Variants in SAMMSON observed in about 807,000 individuals in gnomAD.
SAMMSON encodes the protein long intergenic non-protein coding RNA 1212.
intron 1 of SAMMSON, among the ~76,000 whole-genome samples, chr3:70,008,178 C>A (rs12639190): frequency 2.0e-5 from 3 of 151,900 alleles, no homozygotes; most frequent in Non-Finnish European, 4.4e-5. Flanking sequence ...TCCAATTCTG[C>A]GAAGAAAGTC....
At chr3:70,371,313 A>T (rs181472361) in intron 9 of SAMMSON, among the ~76,000 whole-genome samples, 1 of 152,028 alleles carries the variant, frequency 6.6e-6, no homozygotes, top group African/African-American at 2.4e-5. Flanking sequence ...TTTTGGTTCC[A>T]TATGAATTTT....
At chr3:70,348,373 C>G (rs2106733255) in intron 7 of SAMMSON, among the ~76,000 whole-genome samples, 2 of 152,238 alleles carry the variant, frequency 1.3e-5, no homozygotes, top group Middle Eastern at 3.4e-3. Flanking sequence ...TTCACAGTTG[C>G]AGAGGCTGGA....
At chr3:70,090,823 G>T (rs562699569) in intron 4 of SAMMSON, among the ~76,000 whole-genome samples, 2 of 150,112 alleles carry the variant, frequency 1.3e-5, no homozygotes, top group African/African-American at 4.9e-5. Flanking sequence ...CTTAGTAATT[G>T]TCAAACATTA....
At chr3:70,067,598 T>G (rs189261777) in intron 3 of SAMMSON, among the ~76,000 whole-genome samples, 72 of 152,204 alleles carry the variant, frequency 4.7e-4, no homozygotes, top group African/African-American at 1.5e-3. Context: ...AGATAAACTT[T>G]CAGGGAAATG....
intron 4 of SAMMSON, among the ~76,000 whole-genome samples, chr3:70,207,424 T>C (rs544064282): frequency 6.6e-6 from 1 of 152,192 alleles, no homozygotes; most frequent in East Asian, 1.9e-4. Flanking sequence ...TCCACATAAC[T>C]GTCTGGCACA....
intron 3 of SAMMSON, among the ~76,000 whole-genome samples, chr3:70,021,088 A>G (rs549010151): frequency 1.3e-5 from 2 of 152,144 alleles, no homozygotes; most frequent in Non-Finnish European, 2.9e-5. Flanking sequence ...ACTTTAGAGC[A>G]TTTCCTCTTT....
In SAMMSON at chr3:70,125,461, C is replaced by T. The variant is rs77963600; in HGVS notation, n.507+53896C>T. 117 of 808,720 alleles carry T rather than the reference C, an allele frequency of 1.4e-4. 3 individuals are homozygous for T. In the East Asian group the frequency reaches 2.1e-3, roughly 15 times the overall value. The allele number at this position is 808,720 out of a possible 1,614,324, so 50.1% of individuals were successfully genotyped here. A position where few individuals can be genotyped will look rare whatever the true frequency, so the allele number is the denominator to read the frequency against. On this transcript the variant is annotated intron_variant and non_coding_transcript_variant, in intron 4 of 9. Transcript: ENST00000642114. The stretch of plus-strand genomic sequence containing the variant: ...CCAATTCCCTTCTAGAAATACATTC[C>T]GATGGCATTTCATCAGAGTCTTTTT...
At chr3:70,133,766 G>A (rs192337397) in intron 4 of SAMMSON, among the ~76,000 whole-genome samples, 1 of 152,268 alleles carries the variant, frequency 6.6e-6, no homozygotes, top group African/African-American at 2.4e-5. Context: ...TACTGAGGGA[G>A]TGTGAGTAAA....
At chr3:70,426,732 G>GT (rs1238653067) in intron 2 of SAMMSON, among the ~76,000 whole-genome samples, 1 of 152,198 alleles carries the variant, frequency 6.6e-6, no homozygotes, top group African/African-American at 2.4e-5. Flanking sequence ...AGATAGTGGA[G>GT]TTTTTTGTAT....
chr3:70,380,320 G>T (rs1703054696), intron 9 of SAMMSON, among the ~76,000 whole-genome samples: 1 of 151,850 alleles, frequency 6.6e-6, no homozygotes, highest in Non-Finnish European at 1.5e-5. Flanking sequence ...TTCAGCAGAA[G>T]AAAAAAGAGA....
chr3:70,367,138 C>T (rs1388827538), intron 9 of SAMMSON, among the ~76,000 whole-genome samples: 1 of 151,584 alleles, frequency 6.6e-6, no homozygotes, highest in Non-Finnish European at 1.5e-5. Flanking sequence ...CTTTCCATCA[C>T]CTCAAACAGT....
rs182030685 is a variant in SAMMSON at position 70,284,475 on chromosome 3, C to G, written n.675-6704C>G. On this transcript the variant is annotated intron_variant and non_coding_transcript_variant, in intron 6 of 9. Coordinates refer to ENST00000642114, the Ensembl canonical transcript of SAMMSON. ...AGAGATTGGAACCCATTTACTCACA[C>G]AGCAAAGACATGGCATCAACCTAAA... Among the ~76,000 whole-genome samples the G allele has an allele frequency of 2.4e-4, 37 of 152,156 alleles. No homozygotes were observed. In the East Asian group the frequency reaches 6.6e-3, roughly 27 times the overall value.
intron 6 of SAMMSON, among the ~76,000 whole-genome samples, chr3:70,286,253 A>G (rs191243895): frequency 0.043 from 6,617 of 152,206 alleles, 221 homozygotes; most frequent in South Asian, 0.078. Flanking sequence ...TAAGGAAGGG[A>G]TCCAGTTTCA....
At chr3:70,228,578 A>C (rs527749987) in intron 4 of SAMMSON, among the ~76,000 whole-genome samples, 1 of 151,526 alleles carries the variant, frequency 6.6e-6, no homozygotes, top group South Asian at 2.1e-4. Context: ...AATGAAAGGA[A>C]AATATTTCAG....
chr3:70,151,830 G>T (rs752930912), intron 4 of SAMMSON, among the ~76,000 whole-genome samples: 8 of 151,306 alleles, frequency 5.3e-5, no homozygotes, highest in Non-Finnish European at 8.8e-5. Context: ...TAGAATTTTT[G>T]ACTTTGAGTA....
intron 6 of SAMMSON, among the ~76,000 whole-genome samples, chr3:70,266,742 G>C (rs1701920099): frequency 6.6e-6 from 1 of 152,082 alleles, no homozygotes. Flanking sequence ...CACTGCACCT[G>C]GCTTATACTT....
chr3:70,208,771 A>G (rs1401759155), intron 4 of SAMMSON, among the ~76,000 whole-genome samples: 1 of 152,074 alleles, frequency 6.6e-6, no homozygotes, highest in Non-Finnish European at 1.5e-5. Flanking sequence ...CAGTCTGGTA[A>G]TACACAACTG....
Position 70,381,411 on chromosome 3 carries a change from A to G in SAMMSON, n.914-8163A>G, listed in dbSNP as rs1703067225. Among the ~76,000 whole-genome samples, 4 of 152,226 alleles carry G rather than the reference A, an allele frequency of 2.6e-5. No homozygotes were observed. In the South Asian group the frequency reaches 8.3e-4, roughly 32 times the overall value. ...AGATTCCAAAACGATGGGGTGAAAG[A>G]CAAATGGACAACTGCATATTTGCAG... On this transcript the variant is annotated intron_variant and non_coding_transcript_variant, in intron 9 of 9. Transcript: ENST00000642114.
intron 8 of SAMMSON, among the ~76,000 whole-genome samples, chr3:70,356,682 AT>A (rs1167242548): frequency 6.6e-6 from 1 of 151,980 alleles, no homozygotes; most frequent in African/African-American, 2.4e-5. Flanking sequence ...TAAAATACCT[AT>A]CCTTTTTGTT....
Sources: allele counts gnomAD v4.1 joint callset (sites outside exome capture counted in the v4.1 genomes callset), GRCh38; gene constraint gnomAD v4.1.1; transcripts MANE v1.5; gene names NCBI Gene and HGNC (gene_info 2026-07-23, HGNC 2026-07-21).